Variants in ERBB4 observed in about 807,000 individuals in gnomAD.
The protein encoded by ERBB4 is erb-b2 receptor tyrosine kinase 4, also known as receptor tyrosine-protein kinase erbB-4.
ERBB4 carries 42 observed loss-of-function variants against 158.0 expected under a neutral mutation model. That is an observed-to-expected ratio of 0.27 (90% CI 0.21 to 0.34). ERBB4 has a LOEUF of 0.34. ERBB4 is among the 10% of genes least tolerant of loss of function. The pLI is 1.00. For synonymous variants in ERBB4, 583 were observed against 558.7 expected, an observed-to-expected ratio of 1.04 and a Z score of -0.61; for missense variants, 1,333 against 1,624.1, an observed-to-expected ratio of 0.82 and a Z score of 3.08.
chr2:212,036,380 T>C (rs1422795623), intron 2 of ERBB4, among the ~76,000 whole-genome samples: 2 of 152,190 alleles, frequency 1.3e-5, no homozygotes, highest in Non-Finnish European at 2.9e-5. Flanking sequence ...TAACCCTTCT[T>C]TATCTAGAAA....
At chr2:211,505,595 C>T (rs1323062604) in intron 20 of ERBB4, among the ~76,000 whole-genome samples, 2 of 149,746 alleles carry the variant, frequency 1.3e-5, no homozygotes, top group Non-Finnish European at 3.0e-5. Flanking sequence ...AACAAACAAA[C>T]TATGACAGGA....
chr2:211,879,194 T>TC (rs2078597053), intron 3 of ERBB4, among the ~76,000 whole-genome samples: 1 of 147,250 alleles, frequency 6.8e-6, no homozygotes. Flanking sequence ...AATGTCTGCA[T>TC]AAAAAAAAAA....
chr2:211,504,276 C>T (rs1241477264), intron 20 of ERBB4, among the ~76,000 whole-genome samples: 1 of 152,004 alleles, frequency 6.6e-6, no homozygotes, highest in Non-Finnish European at 1.5e-5. Flanking sequence ...ATAATATGCA[C>T]AGCACACCAC....
chr2:211,559,056 C>G (rs2067314753), intron 20 of ERBB4, among the ~76,000 whole-genome samples: 1 of 152,140 alleles, frequency 6.6e-6, no homozygotes, highest in African/African-American at 2.4e-5. Context: ...TGTGCCAAGT[C>G]TGAAACTGAA....
chr2:212,501,406 C>T (rs1203384350), intron 1 of ERBB4, among the ~76,000 whole-genome samples: 3 of 152,082 alleles, frequency 2.0e-5, no homozygotes, highest in African/African-American at 4.8e-5. Context: ...CATGTAAATA[C>T]TCATCAATTG....
intron 4 of ERBB4, among the ~76,000 whole-genome samples, chr2:211,761,215 A>G (rs1433037138): frequency 6.6e-6 from 1 of 151,302 alleles, no homozygotes; most frequent in East Asian, 1.9e-4. Flanking sequence ...AAAAAAAGGA[A>G]AAAAGAAAAT....
At chr2:211,513,835 T>G (rs75395071) in intron 20 of ERBB4, among the ~76,000 whole-genome samples, 5,757 of 151,976 alleles carry the variant, frequency 0.038, 356 homozygotes, top group African/African-American at 0.13. Context: ...TTTATATTTT[T>G]GGGGGGGATT....
chr2:212,169,895 G>A (rs985883878), intron 1 of ERBB4, among the ~76,000 whole-genome samples: 5 of 152,054 alleles, frequency 3.3e-5, no homozygotes, highest in African/African-American at 9.7e-5. Context: ...AGGCCTCATC[G>A]GCCATGTGGA....
In ERBB4 at chr2:212,107,582, G is replaced by T. The variant is rs1365257322; in HGVS notation, c.234+17170C>A. Among the ~76,000 whole-genome samples the T allele has an allele frequency of 2.0e-5, 3 of 152,206 alleles. No individual in the cohort carries two copies. The East Asian group carries it at 5.8e-4, about 29-fold the overall frequency. On this transcript the variant is annotated intron_variant, in intron 2 of 27. Coordinates refer to ENST00000342788, the MANE Select transcript of ERBB4 (RefSeq NM_005235.3). ...ACTGAAATGAGATAAGACTTTGGGA[G>T]ACTGTTGGGAAGGCATGATTGGTTT...
intron 19 of ERBB4, among the ~76,000 whole-genome samples, chr2:211,604,164 T>C (rs7585388): frequency 0.88 from 133,684 of 151,884 alleles, 59,007 homozygotes; most frequent in Non-Finnish European, 0.91. Context: ...GAAATGTAAA[T>C]ACATTATTAC....
chr2:211,906,828 A>AAT (rs2079405136), intron 3 of ERBB4, among the ~76,000 whole-genome samples: 1 of 151,560 alleles, frequency 6.6e-6, no homozygotes, highest in African/African-American at 2.4e-5. Context: ...TTCCTGCATT[A>AAT]GTTTGCTAAG....
intron 13 of ERBB4, among the ~76,000 whole-genome samples, chr2:211,677,362 C>T (rs530349811): frequency 1.3e-3 from 196 of 150,894 alleles, no homozygotes; most frequent in Middle Eastern, 3.5e-3. Context: ...GTCAGGAGTT[C>T]GAGACTAGCC....
At chr2:211,672,649 T>C (rs923354096) in intron 14 of ERBB4, among the ~76,000 whole-genome samples, 2 of 152,160 alleles carry the variant, frequency 1.3e-5, no homozygotes, top group African/African-American at 2.4e-5. Context: ...TAAATGCATA[T>C]AAAAATGTGT....
chr2:212,087,190 C>T (rs2078642045), intron 2 of ERBB4, among the ~76,000 whole-genome samples: 1 of 151,970 alleles, frequency 6.6e-6, no homozygotes, highest in African/African-American at 2.4e-5. Flanking sequence ...CACACACACA[C>T]ACAAATATCT....
intron 18 of ERBB4, among the ~76,000 whole-genome samples, chr2:211,619,988 A>T (rs2069537339): frequency 6.6e-6 from 1 of 152,124 alleles, no homozygotes; most frequent in African/African-American, 2.4e-5. Context: ...ATATAATTAT[A>T]ATATCTGAAC....
intron 2 of ERBB4, among the ~76,000 whole-genome samples, chr2:212,061,980 C>T (rs952067464): frequency 3.3e-5 from 5 of 152,048 alleles, no homozygotes; most frequent in Admixed American, 6.5e-5. Flanking sequence ...GGTGATCCAC[C>T]TGCCTCGGCC....
chr2:211,640,850 C>T (rs1443344811), intron 16 of ERBB4, among the ~76,000 whole-genome samples: 10 of 151,994 alleles, frequency 6.6e-5, no homozygotes, highest in Non-Finnish European at 1.5e-5. Flanking sequence ...AAAAGTATAA[C>T]CTCAACAGTG....
At chr2:211,435,149 G>A (rs1343367419) in intron 20 of ERBB4, among the ~76,000 whole-genome samples, 1 of 152,144 alleles carries the variant, frequency 6.6e-6, no homozygotes, top group African/African-American at 2.4e-5. Flanking sequence ...AAAACAAACT[G>A]GATGAAGTCC....
chr2:212,011,215 G>A (rs141685476), intron 2 of ERBB4, among the ~76,000 whole-genome samples: 2,074 of 152,226 alleles, frequency 0.014, 22 homozygotes, highest in Middle Eastern at 0.051. Context: ...TATTATTTGG[G>A]AATTGATAAA....
Sources: gnomAD v4.1 joint callset for allele counts (sites outside exome capture counted in the v4.1 genomes callset) on GRCh38, gnomAD v4.1.1 for gene constraint, MANE v1.5 for transcripts, NCBI Gene and HGNC (gene_info 2026-07-23, HGNC 2026-07-21) for gene names.